Variants in PALS1 observed in about 807,000 individuals in gnomAD.
The protein encoded by PALS1 is protein associated with LIN7 1, MAGUK p55 family member.
A neutral mutation model predicts 78.9 loss-of-function variants in PALS1; 31 were observed. The observed-to-expected ratio is 0.39, with a 90% CI of 0.30 to 0.53. The LOEUF is 0.53. Ranked by LOEUF, PALS1 falls within the 20% of genes least tolerant of loss-of-function variation. The probability of loss-of-function intolerance (pLI) is 0.67; values close to 1 mark genes in which losing one functional copy is unlikely to be tolerated. For synonymous variants in PALS1, 276 were observed against 270.9 expected (o/e 1.02, Z -0.18); for missense variants, 704 against 826.5 (o/e 0.85, Z 1.82).
chr14:67,241,962 T>G (rs2083912839), intron 1 of PALS1: 1 of 152,190 alleles, frequency 6.6e-6, no homozygotes, highest in African/African-American at 2.4e-5. Context: ...GTAGTCAGCG[T>G]TCCTCTGCCT....
intron 14 of PALS1, among the ~76,000 whole-genome samples, chr14:67,327,251 G>A (rs148644294): frequency 6.6e-6 from 1 of 152,288 alleles, no homozygotes; most frequent in East Asian, 1.9e-4. Flanking sequence ...GTAGACCTAT[G>A]TTTTCATTTC....
At chr14:67,303,110 A>G (rs997877571) in intron 7 of PALS1, among the ~76,000 whole-genome samples, 3 of 152,246 alleles carry the variant, frequency 2.0e-5, no homozygotes, top group African/African-American at 7.2e-5. Context: ...AGCAGTATGT[A>G]GCTAATGGCT....
At chr14:67,320,441 C>G (rs1197239592) in intron 12 of PALS1, 44 bp downstream of exon 12, 1 of 1,522,116 alleles carries the variant, frequency 6.6e-7, no homozygotes, top group Non-Finnish European at 8.8e-7. Context: ...TTTCAATTTA[C>G]CAGCTCAGAA....
At chr14:67,268,557 G>A (rs1428991402) in intron 1 of PALS1, among the ~76,000 whole-genome samples, 2 of 152,150 alleles carry the variant, frequency 1.3e-5, no homozygotes, top group African/African-American at 2.4e-5. Flanking sequence ...TGGGCAATTC[G>A]CAGAACTGAG....
intron 14 of PALS1, 32 bp from the exon 15 acceptor site, chr14:67,332,748 A>G (rs202105134): frequency 6.3e-7 from 1 of 1,583,356 alleles, no homozygotes; most frequent in Non-Finnish European, 8.6e-7. Context: ...TAGGAAAGGA[A>G]TTATCTCACA....
intron 11 of PALS1, 74 bp downstream of exon 11, chr14:67,317,553 A>T (rs2085196255): frequency 7.7e-6 from 7 of 909,232 alleles, no homozygotes; most frequent in African/African-American, 1.7e-5. Context: ...TTGCACCTTA[A>T]TGTTAAATAT....
At chr14:67,319,468 G>A (rs1273161803) in intron 11 of PALS1, among the ~76,000 whole-genome samples, 1 of 152,192 alleles carries the variant, frequency 6.6e-6, no homozygotes, top group Non-Finnish European at 1.5e-5. Flanking sequence ...AGAAAGTGGA[G>A]ATAGCATGCA....
chr14:67,256,797 G>GACACACACACACACACACACACACACAC (rs10654145), intron 1 of PALS1, among the ~76,000 whole-genome samples: 2 of 147,682 alleles, frequency 1.4e-5, no homozygotes, highest in Non-Finnish European at 1.5e-5. Context: ...AGAAACTATT[G>GACACACACACACACACACACACACACAC]ACACACACAC....
intron 3 of PALS1, among the ~76,000 whole-genome samples, chr14:67,284,297 T>A (rs996076439): frequency 9.2e-5 from 14 of 151,768 alleles, no homozygotes; most frequent in Non-Finnish European, 1.9e-4. Flanking sequence ...TAGTTTTTAG[T>A]ATACTCACAA....
intron 5 of PALS1, 111 bp from the exon 6 acceptor site, chr14:67,301,861 A>G (rs184105113): frequency 5.0e-6 from 6 of 1,195,872 alleles, no homozygotes; most frequent in East Asian, 5.3e-5. Flanking sequence ...CTAATTAATT[A>G]TAACACTTTT....
chr14:67,252,872 AAC>A (rs2084087521), intron 1 of PALS1, among the ~76,000 whole-genome samples: 1 of 152,240 alleles, frequency 6.6e-6, no homozygotes, highest in African/African-American at 2.4e-5. Context: ...TGACATTTGA[AAC>A]ACAATTTCAT....
chr14:67,299,411 G>A (rs1412510806), intron 4 of PALS1, among the ~76,000 whole-genome samples: 1 of 151,760 alleles, frequency 6.6e-6, no homozygotes, highest in Non-Finnish European at 1.5e-5. Context: ...CCTTCCTTTT[G>A]GTTATCAATT....
chr14:67,316,872 C>T lies in PALS1; in HGVS notation c.1266C>T (p.Thr422=). ...FQQQREAMKQ[T]IEEDKEPEKS... is the part of the protein sequence containing the mutation. Reference sequence around the variant, plus strand: ...AGCAAAGGGAAGCCATGAAACAAACCATAGAAGAAGATAAGGAGCCAGAAA... The same window carrying T: ...AGCAAAGGGAAGCCATGAAACAAACTATAGAAGAAGATAAGGAGCCAGAAA... Residue 422 remains threonine, a synonymous_variant, in exon 10 of 15, where the codon ACC becomes ACT. Transcript: ENST00000261681. 1 of 1,611,734 alleles carries T rather than the reference C, an allele frequency of 6.2e-7. No homozygotes were observed. The highest frequency in any genetic ancestry group is 8.5e-7 in the Non-Finnish European group (1 of 1,178,804).
Position 67,299,735 on chromosome 14 carries a change from A to G in PALS1, c.577-1654A>G, listed in dbSNP as rs141625049. ...GGCAGTGGGTAAACACGGGAGTTCT[A>G]AATTTCTTTAGAAGGTAAGATCTCA... On this transcript the variant is annotated intron_variant, in intron 4 of 14. Coordinates refer to ENST00000261681, the MANE Select transcript of PALS1 (RefSeq NM_022474.4). Among the ~76,000 whole-genome samples the G allele has an allele frequency of 7.6e-3, 1,159 of 152,314 alleles. 4 individuals are homozygous for G. The highest frequency in any genetic ancestry group is 9.9e-3 in the Non-Finnish European group (674 of 68,004).
At chr14:67,280,966 C>T (rs1044711107) in intron 3 of PALS1, among the ~76,000 whole-genome samples, 1 of 149,554 alleles carries the variant, frequency 6.7e-6, no homozygotes. Context: ...GTGCAATCTT[C>T]GGCTCACAGC....
chr14:67,315,946 TA>T (rs2085167207), intron 9 of PALS1, among the ~76,000 whole-genome samples: 1 of 152,240 alleles, frequency 6.6e-6, no homozygotes, highest in South Asian at 2.1e-4. Context: ...AGGCTTCCTT[TA>T]ATGCTTCTTA....
At chr14:67,274,150 G>A (rs1047594746) in intron 2 of PALS1, among the ~76,000 whole-genome samples, 9 of 152,062 alleles carry the variant, frequency 5.9e-5, no homozygotes, top group African/African-American at 1.7e-4. Flanking sequence ...GTCAATTTTG[G>A]GTTTTGTTGC....
chr14:67,316,854 G>C lies in PALS1; in HGVS notation c.1248G>C (p.Arg416Ser), dbSNP rs2085183278. The change falls in exon 10 of 15, where the codon AGG (arginine) becomes AGC (serine). Residue 416 changes from arginine (R) to serine (S), a missense_variant. Transcript: ENST00000261681. ...LVPGKSFQQQ[R>S]EAMKQTIEED... ...AAGGGAAAAGCTTTCAGCAGCAAAGGGAAGCCATGAAACAAACCATAGAAG... is the reference window on the plus strand; with the variant it reads ...AAGGGAAAAGCTTTCAGCAGCAAAGCGAAGCCATGAAACAAACCATAGAAG... 3 of 1,611,526 alleles carry C rather than the reference G, an allele frequency of 1.9e-6. No individual in the cohort carries two copies. In the African/African-American group the frequency reaches 4.0e-5, roughly 22 times the overall value.
chr14:67,292,036 A>G (rs909501130), intron 3 of PALS1, among the ~76,000 whole-genome samples: 1 of 152,200 alleles, frequency 6.6e-6, no homozygotes, highest in African/African-American at 2.4e-5. Context: ...ATTGGAAGCA[A>G]TCTAAATGTT....
Sources: gnomAD v4.1 joint callset for allele counts (sites outside exome capture counted in the v4.1 genomes callset) on GRCh38, gnomAD v4.1.1 for gene constraint, MANE v1.5 for transcripts, NCBI Gene and HGNC (gene_info 2026-07-23, HGNC 2026-07-21) for gene names.